The following SNX24 variants were observed in gnomAD, a reference collection of about 807,000 sequenced individuals.
SNX24 encodes the protein sorting nexin 24.
Under a neutral mutation model 28.7 loss-of-function variants are expected in SNX24, and 22 were observed. That is an observed-to-expected ratio of 0.77 (90% confidence interval 0.55 to 1.10). The LOEUF is 1.10. SNX24 is among the 50% of genes least tolerant of loss of function. The pLI, the probability that SNX24 is intolerant of heterozygous loss-of-function variation, is 0.00. For missense variants in SNX24, 221 were observed against 201.1 expected, an observed-to-expected ratio of 1.10 and a Z score of -0.60; for synonymous variants, 69 against 71.5, an observed-to-expected ratio of 0.96 and a Z score of 0.18.
chr5:122,887,160 T>TTA (rs1756753913), intron 1 of SNX24, among the ~76,000 whole-genome samples: 1 of 152,152 alleles, frequency 6.6e-6, no homozygotes. Context: ...AGTTAGACAG[T>TTA]TATCCTAACT....
intron 1 of SNX24, among the ~76,000 whole-genome samples, chr5:122,884,686 G>T (rs960828365): frequency 4.6e-5 from 7 of 152,304 alleles, no homozygotes; most frequent in African/African-American, 1.4e-4. Context: ...AGGTGTGTCA[G>T]GTAGGGATTA....
At chr5:122,889,573 G>A (rs975836018) in intron 1 of SNX24, among the ~76,000 whole-genome samples, 3 of 150,188 alleles carry the variant, frequency 2.0e-5, no homozygotes, top group Non-Finnish European at 3.0e-5. Context: ...TTTCGGATAA[G>A]GGATACTCAA....
intron 3 of SNX24, among the ~76,000 whole-genome samples, chr5:122,952,793 A>C (rs991185880): frequency 6.6e-6 from 1 of 152,228 alleles, no homozygotes; most frequent in Admixed American, 6.5e-5. Context: ...CCAAGAACAC[A>C]TGAGAGTTCT....
At chr5:122,865,815 A>G (rs1353833619) in intron 1 of SNX24, among the ~76,000 whole-genome samples, 2 of 152,170 alleles carry the variant, frequency 1.3e-5, no homozygotes, top group African/African-American at 4.8e-5. Context: ...AGATAATAAC[A>G]ATTTCATAAT....
chr5:123,014,159 T>C (rs1366118466), downstream of SNX24, among the ~76,000 whole-genome samples: 1 of 151,996 alleles, frequency 6.6e-6, no homozygotes, highest in African/African-American at 2.4e-5. Flanking sequence ...AGCCTCACAA[T>C]AGAATTGTAT....
chr5:122,958,258 A>T (rs1393668497), intron 3 of SNX24, among the ~76,000 whole-genome samples: 2 of 151,290 alleles, frequency 1.3e-5, no homozygotes. Context: ...GCAAAAAAAA[A>T]ATTTTTTTTT....
At chr5:122,985,257 A>C (rs1486919748) in intron 3 of SNX24, among the ~76,000 whole-genome samples, 1 of 152,168 alleles carries the variant, frequency 6.6e-6, no homozygotes, top group Admixed American at 6.5e-5. Flanking sequence ...TGAGAGAGGC[A>C]CTGTGGATCC....
chr5:122,997,880 A>AC (rs3836757), intron 3 of SNX24, among the ~76,000 whole-genome samples: 125,658 of 152,056 alleles, frequency 0.83, 52,456 homozygotes, highest in Non-Finnish European at 0.87. Context: ...ATGTGTTACA[A>AC]ATTAGGCTTT....
At chr5:122,954,007 A>G (rs1581792234) in intron 3 of SNX24, among the ~76,000 whole-genome samples, 1 of 152,280 alleles carries the variant, frequency 6.6e-6, no homozygotes, top group African/African-American at 2.4e-5. Context: ...TTACTTGACT[A>G]GCCTGCCCTT....
intron 1 of SNX24, among the ~76,000 whole-genome samples, chr5:122,932,285 T>G (rs540608985): frequency 3.1e-4 from 47 of 152,336 alleles, no homozygotes; most frequent in African/African-American, 1.1e-3. Flanking sequence ...CCTTACTTTA[T>G]ACAGAGGGGA....
In SNX24 at chr5:122,922,856, CTT is replaced by C. The variant is rs141787323; in HGVS notation, c.61-13876_61-13875del. Among the ~76,000 whole-genome samples the C allele has an allele frequency of 9.7e-3, 1,477 of 152,160 alleles. 25 individuals carry two copies. The highest frequency in any genetic ancestry group is 0.034 in the African/African-American group (1,394 of 41,506). ...AATGTAATTTCATGAGGACAGAACT[CTT>C]TGTCATTTTACTTCAGTGATAGACT... On this transcript the variant is annotated intron_variant, in intron 1 of 6. Transcript: ENST00000261369.
intron 1 of SNX24, among the ~76,000 whole-genome samples, chr5:122,886,487 TTTA>T (rs1156279743): frequency 6.6e-6 from 1 of 152,148 alleles, no homozygotes; most frequent in Admixed American, 6.5e-5. Flanking sequence ...AATTGTAACT[TTTA>T]TTATTTGTTG....
chr5:123,004,340 A>G (rs1329665243), intron 6 of SNX24, among the ~76,000 whole-genome samples: 1 of 152,186 alleles, frequency 6.6e-6, no homozygotes, highest in Non-Finnish European at 1.5e-5. Context: ...CAGTGATTTC[A>G]GTGTGGCTGA....
intron 1 of SNX24, among the ~76,000 whole-genome samples, chr5:122,853,426 G>A (rs905234382): frequency 1.3e-5 from 2 of 151,744 alleles, no homozygotes; most frequent in Non-Finnish European, 2.9e-5. Context: ...CGCGCCCGGC[G>A]GTATGTTCCT....
At chr5:122,920,926 A>G (rs1758405232) in intron 1 of SNX24, among the ~76,000 whole-genome samples, 2 of 152,304 alleles carry the variant, frequency 1.3e-5, no homozygotes, top group Non-Finnish European at 2.9e-5. Context: ...GTATCTCACT[A>G]TGCTGCACAG....
In SNX24 at chr5:122,878,890, C is replaced by T. The variant is rs889954595; in HGVS notation, c.60+33197C>T. Among the ~76,000 whole-genome samples the T allele has an allele frequency of 1.3e-4, 19 of 150,296 alleles. No homozygotes were observed. In the East Asian group the frequency reaches 1.4e-3, roughly 11 times the overall value. On this transcript the variant is annotated intron_variant, in intron 1 of 6. Transcript: ENST00000261369. ...ACTCAAGAGGCTGAGGAAGGAAGATCGTTTGAGCCCAGGAGGTCAAGGCTG... is the reference window on the plus strand; with the variant it reads ...ACTCAAGAGGCTGAGGAAGGAAGATTGTTTGAGCCCAGGAGGTCAAGGCTG...
intron 5 of SNX24, among the ~76,000 whole-genome samples, chr5:123,014,302 G>T (rs1762642744): frequency 6.7e-6 from 1 of 149,612 alleles, no homozygotes; most frequent in Non-Finnish European, 1.5e-5. Context: ...AAGTAGCTGG[G>T]ACTACAGGCA....
At chr5:122,864,675 T>A (rs1190579281) in intron 1 of SNX24, among the ~76,000 whole-genome samples, 1 of 152,112 alleles carries the variant, frequency 6.6e-6, no homozygotes, top group African/African-American at 2.4e-5. Flanking sequence ...GGCCACAAGA[T>A]CAGATGAGCC....
At chr5:122,853,804 A>G in intron 1 of SNX24, 1 of 255,908 alleles carries the variant, frequency 3.9e-6, no homozygotes, top group Non-Finnish European at 8.2e-6. Context: ...CTTGAAAATA[A>G]ACCAAATAAG....
Sources: gnomAD v4.1 joint callset for allele counts (sites outside exome capture counted in the v4.1 genomes callset) on GRCh38, gnomAD v4.1.1 for gene constraint, MANE v1.5 for transcripts, NCBI Gene and HGNC (gene_info 2026-07-23, HGNC 2026-07-21) for gene names.